Variants in MEIS2 observed in about 807,000 individuals in gnomAD.
MEIS2 encodes homeobox protein Meis2.
In MEIS2, 9 loss-of-function variants were observed where a neutral mutation model predicts 58.6. The ratio of observed to expected loss-of-function variants is 0.15; its 90% CI spans 0.09 to 0.27. The LOEUF is 0.27. MEIS2 is among the 10% of genes least tolerant of loss of function. MEIS2 has a pLI of 1.00. For synonymous variants in MEIS2, 221 were observed against 228.4 expected, an observed-to-expected ratio of 0.97 and a Z score of 0.29; for missense variants, 427 against 635.0, an observed-to-expected ratio of 0.67 and a Z score of 3.52.
intron 8 of MEIS2, among the ~76,000 whole-genome samples, chr15:36,978,023 C>G (rs931150042): frequency 6.6e-6 from 1 of 152,216 alleles, no homozygotes; most frequent in African/African-American, 2.4e-5. Context: ...AAGGACATAA[C>G]TTTAACCTGT....
At chr15:37,049,821 C>T (rs1567227394) in intron 7 of MEIS2, among the ~76,000 whole-genome samples, 1 of 151,506 alleles carries the variant, frequency 6.6e-6, no homozygotes, top group Non-Finnish European at 1.5e-5. Context: ...TTTGGCCTCC[C>T]ACTACAAATA....
intron 8 of MEIS2, among the ~76,000 whole-genome samples, chr15:37,030,885 C>A (rs965197751): frequency 1.3e-5 from 2 of 152,062 alleles, no homozygotes. Flanking sequence ...AGGCATTCCT[C>A]CCACCTCAGC....
At position 36,889,801 on chromosome 15, in the gene MEIS2, AT is replaced by A. The variant is rs1358069767; in HGVS notation, c.*2371del. The A allele has an allele frequency of 2.0e-5, 3 of 152,210 alleles. No homozygotes were observed. Among genetic ancestry groups the A allele is most frequent in the Admixed American group, 2.0e-4 (3 of 15,294 alleles). 9.4% of individuals were successfully genotyped at this position (152,210 alleles called of 1,614,324 possible). ...AAGTATTTAAAGTAAAAATAGGCAA[AT>A]ATTTAAAATTTACAAAAAGACTTCA... On this transcript the variant is annotated 3_prime_UTR_variant, in exon 12 of 12. Coordinates refer to ENST00000561208, the MANE Select transcript of MEIS2 (RefSeq NM_170675.5).
At chr15:36,922,544 G>A (rs1285507720) in intron 9 of MEIS2, among the ~76,000 whole-genome samples, 3 of 150,678 alleles carry the variant, frequency 2.0e-5, no homozygotes, top group Admixed American at 6.6e-5. Context: ...TCCTTGAGGA[G>A]TATCTACCTC....
intron 8 of MEIS2, among the ~76,000 whole-genome samples, chr15:36,973,260 C>T (rs952474819): frequency 6.6e-6 from 1 of 152,166 alleles, no homozygotes; most frequent in Non-Finnish European, 1.5e-5. Flanking sequence ...AGGATTCAGA[C>T]ACAGAGTTTT....
chr15:36,962,762 A>G (rs988215929), intron 8 of MEIS2, among the ~76,000 whole-genome samples: 6 of 152,236 alleles, frequency 3.9e-5, no homozygotes, highest in Non-Finnish European at 7.3e-5. Context: ...TGGAAATATA[A>G]CCTCATGCAA....
At position 37,015,042 on chromosome 15, in the gene MEIS2, C is replaced by T. The variant is rs1046943082; in HGVS notation, c.900+21772G>A. Among the ~76,000 whole-genome samples, 6 of 152,238 alleles carry T rather than the reference C, an allele frequency of 3.9e-5. No homozygotes were observed. The East Asian group carries it at 9.6e-4, about 24-fold the overall frequency. ...GAATTGCACTGACATTGTGGCCCAA[C>T]ATGTGACTTGAGCTCAAGTATACAC... On this transcript the variant is annotated intron_variant, in intron 8 of 11. Transcript: ENST00000561208.
intron 2 of MEIS2, 127 bp downstream of exon 2, chr15:37,097,840 A>G: frequency 7.3e-7 from 1 of 1,373,640 alleles, no homozygotes; most frequent in Admixed American, 2.9e-5. Flanking sequence ...TCCTAAGGCA[A>G]GCGGCGCCCG....
chr15:37,036,207 T>G (rs1411898896), intron 8 of MEIS2, among the ~76,000 whole-genome samples: 2 of 152,194 alleles, frequency 1.3e-5, no homozygotes, highest in East Asian at 3.9e-4. Context: ...ATGGTTAGCT[T>G]TTAAGATAAT....
chr15:37,094,446 A>T, intron 5 of MEIS2, 81 bp downstream of exon 5: 2 of 1,369,130 alleles, frequency 1.5e-6, no homozygotes, highest in Non-Finnish European at 2.1e-6. Flanking sequence ...CCCTCACACT[A>T]GAGGTTTGTT....
intron 8 of MEIS2, among the ~76,000 whole-genome samples, chr15:36,957,228 TG>T (rs1297784583): frequency 7.2e-5 from 11 of 152,328 alleles, no homozygotes; most frequent in African/African-American, 2.6e-4. Context: ...AATTTTAGCA[TG>T]TTTTTTGTGT....
chr15:36,945,615 G>C (rs1595780341), intron 9 of MEIS2, among the ~76,000 whole-genome samples: 1 of 152,046 alleles, frequency 6.6e-6, no homozygotes, highest in Middle Eastern at 3.4e-3. Flanking sequence ...ATTCATCAAT[G>C]GGGCCAAATG....
chr15:36,986,561 C>T (rs1000870624), intron 8 of MEIS2, among the ~76,000 whole-genome samples: 6 of 152,310 alleles, frequency 3.9e-5, no homozygotes, highest in South Asian at 2.1e-4. Flanking sequence ...ATTACTCTCA[C>T]GGGTATCACA....
chr15:36,912,847 A>G (rs1345617485), intron 9 of MEIS2, among the ~76,000 whole-genome samples: 9 of 150,802 alleles, frequency 6.0e-5, no homozygotes, highest in African/African-American at 1.2e-4. Context: ...AAAAAAAAAA[A>G]GAAAAAAAAG....
intron 8 of MEIS2, among the ~76,000 whole-genome samples, chr15:37,036,060 T>C (rs1567209826): frequency 2.0e-5 from 3 of 151,664 alleles, no homozygotes; most frequent in Non-Finnish European, 4.4e-5. Flanking sequence ...TGTAAAAATA[T>C]ATTGTAATTT....
intron 9 of MEIS2, among the ~76,000 whole-genome samples, chr15:36,922,501 C>T (rs1482727724): frequency 1.3e-5 from 2 of 150,318 alleles, no homozygotes; most frequent in Non-Finnish European, 3.0e-5. Flanking sequence ...TACGGGAGTT[C>T]ATCTAAAAGG....
rs1219806983 is a variant in MEIS2, at chr15:37,083,787, G to A, written c.738C>T (p.Asp246=). 4 of 1,613,750 alleles carry A rather than the reference G, an allele frequency of 2.5e-6. No individual in the cohort carries two copies. The highest frequency in any genetic ancestry group is 1.7e-5 in the Admixed American group (1 of 59,948). The change falls in exon 7 of 12, where the codon GAC becomes GAT. Residue 246 remains aspartate, a synonymous_variant. Coordinates refer to ENST00000561208, the MANE Select transcript of MEIS2 (RefSeq NM_170675.5). ...ACCTTTTACCTTGCTCACTGCTGTTGTCTCCGCTCTGGGAAGCATGGCCCC... is the reference window on the plus strand; with the variant it reads ...ACCTTTTACCTTGCTCACTGCTGTTATCTCCGCTCTGGGAAGCATGGCCCC... ...SSGGHASQSG[D]NSSEQGDGLD... is the part of the protein sequence containing the mutation.
chr15:36,993,363 A>G (rs868028058), intron 8 of MEIS2, among the ~76,000 whole-genome samples: 1 of 152,306 alleles, frequency 6.6e-6, no homozygotes, highest in South Asian at 2.1e-4. Flanking sequence ...CTCCTGGGGC[A>G]TCATATCATT....
rs757783328 is a variant in MEIS2 at position 36,892,354 on chromosome 15, T to G, written c.1253A>C (p.Gln418Pro). ...ATGCATTGGGGGTCCATGTCTTAAT[T>G]GAGTAGGGTGTGGGGTCATCTGGGG... ...TPPQMTPHPT[Q>P]LRHGPPMHSY... The change falls in exon 12 of 12, where the codon CAA becomes CCA. Residue 418 changes from glutamine to proline, a missense_variant. Gln to Pro is a moderately conservative substitution (Grantham distance 76). Transcript: ENST00000561208. The G allele has an allele frequency of 8.1e-6, 13 of 1,613,832 alleles. No homozygotes were observed. The highest frequency in any genetic ancestry group is 1.7e-5 in the Admixed American group (1 of 59,998).
Sources: allele counts gnomAD v4.1 joint callset (sites outside exome capture counted in the v4.1 genomes callset), GRCh38; gene constraint gnomAD v4.1.1; transcripts MANE v1.5; gene names NCBI Gene and HGNC (gene_info 2026-07-23, HGNC 2026-07-21).